Variants in FRMD6 observed in about 807,000 individuals in gnomAD.
FRMD6 encodes the protein FERM domain containing 6.
A neutral mutation model predicts 73.2 loss-of-function variants in FRMD6; 37 were observed. That is an observed-to-expected ratio of 0.51 (90% CI 0.39 to 0.66). The LOEUF is 0.66. FRMD6 is among the 30% of genes least tolerant of loss of function. The probability of loss-of-function intolerance (pLI) is 0.00; values close to 1 mark genes in which losing one functional copy is unlikely to be tolerated. For synonymous variants in FRMD6, 273 were observed against 282.2 expected (o/e 0.97, Z 0.33); for missense variants, 714 against 780.5 (o/e 0.91, Z 1.02).
chr14:51,721,843 A>G, intron 11 of FRMD6, 106 bp from the exon 12 acceptor site: 1 of 1,341,270 alleles, frequency 7.5e-7, no homozygotes, highest in South Asian at 1.4e-5. Context: ...TAGCAAATTT[A>G]TTTTCAAATA....
rs532688641 is a variant in FRMD6, at chr14:51,705,025, A to G, written c.558+90A>G. 6.9e-5 allele frequency: 84 copies of G among 1,211,016 alleles called. No homozygotes were observed. The East Asian group carries it at 2.0e-3, about 29-fold the overall frequency. The allele number at this position is 1,211,016 out of a possible 1,614,324, so 75.0% of individuals were successfully genotyped here. On this transcript the variant is annotated intron_variant, in intron 6 of 13. Transcript: ENST00000344768. ...TACTCATACTCTTTAAGAAATGGGA[A>G]CACAGATGTTCTGTGGCCAAATTCT... is the stretch of plus-strand genomic sequence containing the variant.
the FRMD6 span, among the ~76,000 whole-genome samples, chr14:51,455,210 T>C: frequency 1.1e-4 from 17 of 152,284 alleles, no homozygotes; most frequent in South Asian, 2.1e-4. Flanking sequence ...GGATATAGAG[T>C]ATGCCTCCTA....
At chr14:51,403,852 C>G in the FRMD6 span, among the ~76,000 whole-genome samples, 1 of 152,084 alleles carries the variant, frequency 6.6e-6, no homozygotes, top group East Asian at 1.9e-4. Context: ...GGATTTTTTT[C>G]AAGATTTTTG....
chr14:51,670,445 T>C (rs192042795), intron 1 of FRMD6, among the ~76,000 whole-genome samples: 15 of 152,246 alleles, frequency 9.9e-5, no homozygotes, highest in African/African-American at 3.4e-4. Flanking sequence ...CTGTAGTCTG[T>C]TTTCAAAACC....
chr14:51,551,250 A>T (rs1290503235), intron 1 of FRMD6, among the ~76,000 whole-genome samples: 1 of 152,198 alleles, frequency 6.6e-6, no homozygotes, highest in Non-Finnish European at 1.5e-5. Context: ...TCCTCTTCAA[A>T]TTCCAGTACT....
chr14:51,597,479 C>A (rs1398567806), intron 2 of FRMD6, among the ~76,000 whole-genome samples: 1 of 152,062 alleles, frequency 6.6e-6, no homozygotes, highest in African/African-American at 2.4e-5. Flanking sequence ...CAGGAGTGAG[C>A]AGAGGCCTAA....
At chr14:51,580,787 T>C (rs917427422) in intron 2 of FRMD6, among the ~76,000 whole-genome samples, 1 of 152,194 alleles carries the variant, frequency 6.6e-6, no homozygotes, top group Non-Finnish European at 1.5e-5. Context: ...CTTCCAGCAA[T>C]TTATCAATTT....
intron 1 of FRMD6, among the ~76,000 whole-genome samples, chr14:51,661,015 G>C (rs1435010711): frequency 6.6e-6 from 1 of 152,198 alleles, no homozygotes; most frequent in Non-Finnish European, 1.5e-5. Flanking sequence ...GATGTTTGGA[G>C]AGCACATGTT....
At chr14:51,723,372 A>G (rs1179817982) in intron 12 of FRMD6, among the ~76,000 whole-genome samples, 1 of 152,182 alleles carries the variant, frequency 6.6e-6, no homozygotes, top group Non-Finnish European at 1.5e-5. Flanking sequence ...TCTGCATTTA[A>G]TTTTTATAAG....
rs1898073053 is a variant in FRMD6 at position 51,727,919 on chromosome 14, T to C, written c.1759T>C (p.Cys587Arg). The C allele has an allele frequency of 1.2e-6, 2 of 1,614,210 alleles. No homozygotes were observed. The highest frequency in any genetic ancestry group is 8.5e-7 in the Non-Finnish European group (1 of 1,180,038). ...LDEEGLYCNS[C>R]LAQQCINIQD... ...TGAGGAAGGCCTCTATTGCAACAGTTGCTTGGCCCAGCAGTGCATCAACAT... is the reference window on the plus strand; with the variant it reads ...TGAGGAAGGCCTCTATTGCAACAGTCGCTTGGCCCAGCAGTGCATCAACAT... Residue 587 changes from cysteine (C) to arginine (R), a missense_variant, in exon 14 of 14, where the codon TGC becomes CGC. By Grantham distance (180) the Cys-to-Arg change is radical (BLOSUM62 -3). Transcript: ENST00000344768.
intron 2 of FRMD6, among the ~76,000 whole-genome samples, chr14:51,697,588 G>A (rs1307280536): frequency 6.6e-6 from 1 of 152,040 alleles, no homozygotes; most frequent in Non-Finnish European, 1.5e-5. Flanking sequence ...GGTGACTGTA[G>A]TTAATGATGA....
intron 1 of FRMD6, among the ~76,000 whole-genome samples, chr14:51,527,196 C>A (rs1265716022): frequency 6.6e-6 from 1 of 152,240 alleles, no homozygotes; most frequent in Admixed American, 6.5e-5. Context: ...AGCCACTGTT[C>A]CATTATTTAA....
At chr14:51,535,840 A>G (rs1027287795) in intron 1 of FRMD6, among the ~76,000 whole-genome samples, 1 of 151,966 alleles carries the variant, frequency 6.6e-6, no homozygotes, top group Non-Finnish European at 1.5e-5. Flanking sequence ...ATTTATCCAC[A>G]TCCTTGTCTA....
chr14:51,500,774 A>T (rs72673948), intron 1 of FRMD6, among the ~76,000 whole-genome samples: 1 of 151,522 alleles, frequency 6.6e-6, no homozygotes, highest in African/African-American at 2.4e-5. Context: ...GTGTGTGTGT[A>T]TATACACACA....
At chr14:51,622,825 G>C (rs1890973231) in intron 2 of FRMD6, among the ~76,000 whole-genome samples, 1 of 152,164 alleles carries the variant, frequency 6.6e-6, no homozygotes. Flanking sequence ...GAGTGCAGTG[G>C]CACAGTCTTG....
intron 2 of FRMD6, among the ~76,000 whole-genome samples, chr14:51,604,116 T>C (rs1890149601): frequency 6.6e-6 from 1 of 152,202 alleles, no homozygotes; most frequent in Non-Finnish European, 1.5e-5. Flanking sequence ...GAAGCTTTCA[T>C]TACTACTTGC....
chr14:51,540,185 C>G (rs1596559861), intron 1 of FRMD6, among the ~76,000 whole-genome samples: 1 of 152,080 alleles, frequency 6.6e-6, no homozygotes, highest in Non-Finnish European at 1.5e-5. Flanking sequence ...CAAGAGAAGA[C>G]TAGCTCAGGG....
intron 1 of FRMD6, among the ~76,000 whole-genome samples, chr14:51,549,606 T>G (rs1370652073): frequency 2.2e-5 from 3 of 137,222 alleles, no homozygotes; most frequent in Non-Finnish European, 4.7e-5. Flanking sequence ...TTTTTTTTTT[T>G]TTTTTTTTTG....
At chr14:51,489,837 A>G (rs1046538472) in intron 1 of FRMD6, among the ~76,000 whole-genome samples, 1 of 152,186 alleles carries the variant, frequency 6.6e-6, no homozygotes, top group African/African-American at 2.4e-5. Context: ...GGTCCCTTTG[A>G]TGCACCGTTT....
Sources: allele counts gnomAD v4.1 joint callset (sites outside exome capture counted in the v4.1 genomes callset), GRCh38; gene constraint gnomAD v4.1.1; transcripts MANE v1.5; gene names NCBI Gene and HGNC (gene_info 2026-07-23, HGNC 2026-07-21).